PRDM5: variants seen among roughly 807,000 people sequenced by gnomAD.
PRDM5 encodes the protein PR domain zinc finger protein 5.
Under a neutral mutation model 81.2 loss-of-function variants are expected in PRDM5, and 56 were observed. That is an observed-to-expected ratio of 0.69 (90% CI 0.56 to 0.86). PRDM5 has a LOEUF of 0.86. Among genes scored for constraint, PRDM5 ranks in the 40% least tolerant of loss-of-function variants. The pLI, the probability that PRDM5 is intolerant of heterozygous loss-of-function variation, is 0.00. For synonymous variants in PRDM5, 267 were observed against 256.4 expected, an observed-to-expected ratio of 1.04 and a Z score of -0.39; for missense variants, 697 against 770.1, an observed-to-expected ratio of 0.91 and a Z score of 1.12.
At position 120,889,797 on chromosome 4, in the gene PRDM5, T is replaced by C. The variant is rs115502236; in HGVS notation, c.177+17677A>G. 3.0e-3 allele frequency among the ~76,000 whole-genome samples: 462 copies of C among 152,344 alleles called. 4 individuals carry two copies. Among genetic ancestry groups the C allele is most frequent in the African/African-American group, 0.011 (438 of 41,582 alleles). ...TACTCATGTCTACTCAGTGTTTATC[T>C]CACTTAGAAGTGACACATGTGGTAT... On this transcript the variant is annotated intron_variant, in intron 2 of 15. Transcript: ENST00000264808.
At chr4:120,800,763 A>G (rs1472288635) in intron 8 of PRDM5, among the ~76,000 whole-genome samples, 4 of 152,166 alleles carry the variant, frequency 2.6e-5, no homozygotes, top group African/African-American at 9.7e-5. Context: ...GCATTAATTT[A>G]TTTCACTAAA....
intron 3 of PRDM5, among the ~76,000 whole-genome samples, chr4:120,829,945 G>T (rs1756504013): frequency 2.6e-5 from 4 of 151,952 alleles, no homozygotes; most frequent in African/African-American, 9.7e-5. Context: ...AAAACAGAAT[G>T]AAACAGTAAA....
At chr4:120,892,498 G>T (rs1407506585) in intron 2 of PRDM5, among the ~76,000 whole-genome samples, 3 of 152,192 alleles carry the variant, frequency 2.0e-5, no homozygotes, top group Admixed American at 6.5e-5. Flanking sequence ...TGTTCCTGGT[G>T]TTGAGTGTTC....
At chr4:120,879,849 T>C (rs1027459366) in intron 2 of PRDM5, among the ~76,000 whole-genome samples, 5 of 151,846 alleles carry the variant, frequency 3.3e-5, no homozygotes, top group Admixed American at 3.3e-4. Context: ...AAAAAATCAA[T>C]GACTGCTGGG....
intron 3 of PRDM5, among the ~76,000 whole-genome samples, chr4:120,822,177 A>G (rs907380575): frequency 6.6e-6 from 1 of 152,322 alleles, no homozygotes; most frequent in African/African-American, 2.4e-5. Flanking sequence ...CCTTGGGCCA[A>G]TCACCAGGGA....
chr4:120,684,804 T>A (rs1465898277), downstream of PRDM5: 1 of 151,918 alleles, frequency 6.6e-6, no homozygotes, highest in Non-Finnish European at 1.5e-5. Flanking sequence ...CATAAATACA[T>A]GAATTACATA....
At chr4:120,820,260 T>C (rs1422995283) in intron 4 of PRDM5, among the ~76,000 whole-genome samples, 3 of 152,322 alleles carry the variant, frequency 2.0e-5, no homozygotes, top group Middle Eastern at 3.4e-3. Context: ...AGGACACAGC[T>C]AGAAGGTGCT....
intron 2 of PRDM5, among the ~76,000 whole-genome samples, chr4:120,860,694 T>C (rs902595802): frequency 2.0e-5 from 3 of 152,224 alleles, no homozygotes; most frequent in Non-Finnish European, 2.9e-5. Context: ...CTGTAAAACA[T>C]GCTGGTTTTT....
At chr4:120,778,229 T>C (rs1309670687) in intron 12 of PRDM5, among the ~76,000 whole-genome samples, 1 of 152,126 alleles carries the variant, frequency 6.6e-6, no homozygotes, top group African/African-American at 2.4e-5. Context: ...TAGGTTACAA[T>C]CATCTAGGTT....
In PRDM5 at chr4:120,907,463, C is replaced by T. The variant is rs1186920453; in HGVS notation, c.177+11G>A. The stretch of plus-strand genomic sequence containing the variant: ...ATATATTTTTAACATTAAAATAAGT[C>T]ATATCCTCACCTCCCACATCAACCT... On this transcript the variant is annotated intron_variant, in intron 2 of 15. Transcript: ENST00000264808. 2 of 1,571,108 alleles carry T rather than the reference C, an allele frequency of 1.3e-6. No homozygotes were observed. Among genetic ancestry groups the T allele is most frequent in the Admixed American group, 3.3e-5 (2 of 59,900 alleles).
chr4:120,779,803 T>A (rs1423409104), intron 12 of PRDM5, among the ~76,000 whole-genome samples: 1 of 152,056 alleles, frequency 6.6e-6, no homozygotes, highest in East Asian at 1.9e-4. Context: ...CTTGGGAGTT[T>A]GAGGCTCAAG....
At position 120,782,990 on chromosome 4, in the gene PRDM5, C is replaced by G. The variant is rs1253102819; in HGVS notation, c.1283-1687G>C. Among the ~76,000 whole-genome samples the G allele has an allele frequency of 2.0e-5, 3 of 151,726 alleles. No individual in the cohort carries two copies. In the East Asian group the frequency reaches 5.8e-4, roughly 29 times the overall value. ...TGTGTTAAATTTATCAGATTTTTTC[C>G]CTATCTTAGTACCTACAAGCTAGCC... On this transcript the variant is annotated intron_variant, in intron 11 of 15. Coordinates refer to ENST00000264808, the MANE Select transcript of PRDM5 (RefSeq NM_018699.4).
chr4:120,714,330 T>C (rs912787157), intron 14 of PRDM5, among the ~76,000 whole-genome samples: 8 of 152,300 alleles, frequency 5.3e-5, no homozygotes, highest in South Asian at 2.1e-4. Context: ...TATTTCTTAA[T>C]ATCTCTTTAA....
intron 15 of PRDM5, 40 bp from the exon 16 acceptor site, chr4:120,695,315 A>G (rs747887157): frequency 2.5e-6 from 4 of 1,607,556 alleles, no homozygotes; most frequent in South Asian, 1.1e-5. Context: ...ATACTGAAAT[A>G]AACAAAATTT....
At chr4:120,862,228 C>T (rs1760688143) in intron 2 of PRDM5, among the ~76,000 whole-genome samples, 1 of 152,170 alleles carries the variant, frequency 6.6e-6, no homozygotes, top group Non-Finnish European at 1.5e-5. Context: ...ACAACATTTA[C>T]TATACATTTC....
intron 2 of PRDM5, among the ~76,000 whole-genome samples, chr4:120,883,640 G>GT (rs1217711002): frequency 2.4e-4 from 36 of 151,548 alleles, no homozygotes; most frequent in African/African-American, 8.3e-4. Flanking sequence ...TAAATAATGA[G>GT]TTGATGGGTG....
chr4:120,873,687 T>C (rs936213935), intron 2 of PRDM5, among the ~76,000 whole-genome samples: 1 of 152,244 alleles, frequency 6.6e-6, no homozygotes, highest in Non-Finnish European at 1.5e-5. Context: ...TCTCCAACAA[T>C]ATGTCGGTTA....
Position 120,841,837 on chromosome 4 carries a change from T to C in PRDM5, c.300+11581A>G, listed in dbSNP as rs1352705713. ...ATGTTTCATTATATTTTCTAGTGACTAAAACATTCCTAAGATTCTTCTTTT... is the reference window on the plus strand; with the variant it reads ...ATGTTTCATTATATTTTCTAGTGACCAAAACATTCCTAAGATTCTTCTTTT... On this transcript the variant is annotated intron_variant, in intron 3 of 15. Transcript: ENST00000264808. Among the ~76,000 whole-genome samples, 3 of 152,356 alleles carry C rather than the reference T, an allele frequency of 2.0e-5. No homozygotes were observed. In the East Asian group the frequency reaches 5.8e-4, roughly 29 times the overall value.
chr4:120,894,959 T>C (rs973121007), intron 2 of PRDM5, among the ~76,000 whole-genome samples: 4 of 152,228 alleles, frequency 2.6e-5, no homozygotes, highest in Admixed American at 2.6e-4. Flanking sequence ...CCTCTCCTTG[T>C]AACACTAAAC....
Sources: gnomAD v4.1 joint callset for allele counts (sites outside exome capture counted in the v4.1 genomes callset) on GRCh38, gnomAD v4.1.1 for gene constraint, MANE v1.5 for transcripts, NCBI Gene and HGNC (gene_info 2026-07-23, HGNC 2026-07-21) for gene names.